RANBP2: variants seen among roughly 807,000 people sequenced by gnomAD.
The protein encoded by RANBP2 is E3 SUMO-protein ligase RanBP2.
Under a neutral mutation model 303.6 loss-of-function variants are expected in RANBP2, and 57 were observed. The ratio of observed to expected loss-of-function variants is 0.19; its 90% CI spans 0.15 to 0.23. The LOEUF is 0.23. Ranked by LOEUF, RANBP2 falls within the 10% of genes least tolerant of loss-of-function variation. The probability of loss-of-function intolerance (pLI) is 1.00; values close to 1 mark genes in which losing one functional copy is unlikely to be tolerated. For synonymous variants in RANBP2, 1,167 were observed against 1,301.5 expected (o/e 0.90, Z 2.23); for missense variants, 3,138 against 3,780.8 (o/e 0.83, Z 4.46).
chr2:109,189,399 G>C, the RANBP2 span, among the ~76,000 whole-genome samples: 1 of 149,470 alleles, frequency 6.7e-6, no homozygotes, highest in Non-Finnish European at 1.5e-5. Flanking sequence ...TTGAGACGGA[G>C]TCTCTGTCGC....
the RANBP2 span, among the ~76,000 whole-genome samples, chr2:109,369,025 A>G: frequency 6.6e-6 from 1 of 152,044 alleles, no homozygotes; most frequent in Admixed American, 6.6e-5. Context: ...GCCCCACTCT[A>G]GTGTCCTCGT....
the RANBP2 span, among the ~76,000 whole-genome samples, chr2:109,608,835 G>T: frequency 6.6e-6 from 1 of 152,118 alleles, no homozygotes; most frequent in African/African-American, 2.4e-5. Flanking sequence ...ATTATCAGAA[G>T]AAAGTGTAAG....
chr2:108,981,593 T>C, the RANBP2 span, among the ~76,000 whole-genome samples: 1 of 152,156 alleles, frequency 6.6e-6, no homozygotes, highest in Non-Finnish European at 1.5e-5. Flanking sequence ...AGTTCAGCCA[T>C]GTTTAGCATT....
chr2:108,934,803 C>T, the RANBP2 span, among the ~76,000 whole-genome samples: 1 of 152,226 alleles, frequency 6.6e-6, no homozygotes, highest in African/African-American at 2.4e-5. Flanking sequence ...CCCCACCTTT[C>T]AAACCTGTTC....
chr2:108,838,365 T>C, the RANBP2 span, among the ~76,000 whole-genome samples: 1 of 152,214 alleles, frequency 6.6e-6, no homozygotes, highest in Non-Finnish European at 1.5e-5. Flanking sequence ...AATACACTCA[T>C]AATCATTAGT....
chr2:109,470,126 A>G, the RANBP2 span, among the ~76,000 whole-genome samples: 1 of 152,180 alleles, frequency 6.6e-6, no homozygotes, highest in Non-Finnish European at 1.5e-5. Flanking sequence ...CTTCTCAACT[A>G]CAAGGATTCC....
At chr2:109,261,313 G>T in the RANBP2 span, among the ~76,000 whole-genome samples, 1 of 152,190 alleles carries the variant, frequency 6.6e-6, no homozygotes, top group South Asian at 2.1e-4. Context: ...AGGAAGCCTT[G>T]ATCCGCACAC....
the RANBP2 span, among the ~76,000 whole-genome samples, chr2:109,359,128 A>G: frequency 1.3e-5 from 2 of 151,996 alleles, no homozygotes; most frequent in African/African-American, 4.8e-5. Context: ...CTTCCATTCC[A>G]TTGATCTAGT....
chr2:108,876,377 ATTT>A, the RANBP2 span: 1 of 565,178 alleles, frequency 1.8e-6, no homozygotes, highest in Non-Finnish European at 2.9e-6. Context: ...AAAATAAATA[ATTT>A]TTTTGAACTG....
the RANBP2 span, among the ~76,000 whole-genome samples, chr2:109,377,526 C>G: frequency 1.3e-5 from 2 of 152,144 alleles, no homozygotes; most frequent in African/African-American, 4.8e-5. Flanking sequence ...ATGCTTGTGC[C>G]TTAGTTGGTT....
the RANBP2 span, among the ~76,000 whole-genome samples, chr2:109,464,311 A>G: frequency 6.6e-6 from 1 of 152,256 alleles, no homozygotes; most frequent in African/African-American, 2.4e-5. Context: ...CATGTACAAC[A>G]TGAACTCACG....
chr2:108,858,201 G>A, the RANBP2 span, among the ~76,000 whole-genome samples: 3 of 152,078 alleles, frequency 2.0e-5, no homozygotes, highest in Non-Finnish European at 2.9e-5. Context: ...AAAATTAGCC[G>A]GGCATGGTGG....
At chr2:108,991,909 C>T in the RANBP2 span, among the ~76,000 whole-genome samples, 5 of 152,156 alleles carry the variant, frequency 3.3e-5, no homozygotes, top group South Asian at 2.1e-4. Context: ...CAGGTTTAAG[C>T]GATTCTCAGC....
At chr2:109,596,806 G>C in the RANBP2 span, among the ~76,000 whole-genome samples, 5,571 of 152,078 alleles carry the variant, frequency 0.037, 133 homozygotes, top group Non-Finnish European at 0.057. Context: ...TAAATGTTTT[G>C]ATTAGTAAGT....
the RANBP2 span, among the ~76,000 whole-genome samples, chr2:109,323,250 G>A: frequency 2.0e-5 from 3 of 152,194 alleles, no homozygotes; most frequent in African/African-American, 7.2e-5. Flanking sequence ...GTCTTGGGCT[G>A]GGAGTCATTG....
chr2:109,019,635 C>G, the RANBP2 span, among the ~76,000 whole-genome samples: 4 of 152,140 alleles, frequency 2.6e-5, no homozygotes, highest in African/African-American at 9.7e-5. Context: ...GTTTGGAGAG[C>G]AATTTGATGT....
chr2:109,748,690 T>C, the RANBP2 span, among the ~76,000 whole-genome samples: 3 of 148,462 alleles, frequency 2.0e-5, no homozygotes, highest in African/African-American at 7.5e-5. Flanking sequence ...CTGGCCAACA[T>C]GGCAAAACCC....
the RANBP2 span, among the ~76,000 whole-genome samples, chr2:109,556,623 T>C: frequency 6.6e-6 from 1 of 152,168 alleles, no homozygotes; most frequent in South Asian, 2.1e-4. Flanking sequence ...GGAGGCATTT[T>C]ACTTAGTATC....
the RANBP2 span, among the ~76,000 whole-genome samples, chr2:108,977,836 T>C: frequency 3.3e-5 from 5 of 152,328 alleles, no homozygotes; most frequent in East Asian, 5.8e-4. Flanking sequence ...CTTGTTCTAC[T>C]TCTGGTTCAC....
Sources: allele counts gnomAD v4.1 joint callset (sites outside exome capture counted in the v4.1 genomes callset), GRCh38; gene constraint gnomAD v4.1.1; transcripts MANE v1.5; gene names NCBI Gene and HGNC (gene_info 2026-07-23, HGNC 2026-07-21).